Variants in ZFHX3 observed in about 807,000 individuals in gnomAD.
ZFHX3 encodes the protein zinc finger homeobox protein 3.
In ZFHX3, 42 loss-of-function variants were observed where a neutral mutation model predicts 279.1. The observed-to-expected ratio is 0.15, with a 90% CI of 0.12 to 0.19. ZFHX3 has a LOEUF of 0.19. Ranked by LOEUF, ZFHX3 falls within the 10% of genes least tolerant of loss-of-function variation. ZFHX3 has a pLI of 1.00. For synonymous variants in ZFHX3, 2,293 were observed against 1,957.8 expected, an observed-to-expected ratio of 1.17 and a Z score of -4.52; for missense variants, 4,981 against 4,754.0, an observed-to-expected ratio of 1.05 and a Z score of -1.40.
chr16:73,508,427 A>G (rs2075895722), intron 2 of ZFHX3, among the ~76,000 whole-genome samples: 1 of 152,228 alleles, frequency 6.6e-6, no homozygotes, highest in Non-Finnish European at 1.5e-5. Context: ...TCCAGAAAAA[A>G]GATCTGGGTA....
chr16:72,922,912 A>G lies in ZFHX3; in HGVS notation c.3216+27557T>C, dbSNP rs148996543. ...CCAGCCTGCTTCCTGCTCTGTCCAT[A>G]CCAGGCTCCTCAGATTAGAGCACTA... On this transcript the variant is annotated intron_variant, in intron 3 of 9. Coordinates refer to ENST00000268489, the MANE Select transcript of ZFHX3 (RefSeq NM_006885.4). Among the ~76,000 whole-genome samples the G allele has an allele frequency of 5.5e-4, 84 of 152,176 alleles. 1 individual carries two copies. Among genetic ancestry groups the G allele is most frequent in the African/African-American group, 2.0e-3 (81 of 41,524 alleles).
intron 2 of ZFHX3, among the ~76,000 whole-genome samples, chr16:72,951,194 G>T (rs12373027): frequency 0.024 from 3,664 of 152,186 alleles, 90 homozygotes; most frequent in South Asian, 0.063. Context: ...GGCAGGTTTT[G>T]TATTTTCTTT....
At chr16:73,682,938 G>GAA (rs759801620) in intron 1 of ZFHX3, among the ~76,000 whole-genome samples, 498 of 20,092 alleles carry the variant, frequency 0.025, 23 homozygotes, top group African/African-American at 0.071. Flanking sequence ...AAGAAAGAAA[G>GAA]AAAGAAAGAA....
At chr16:73,710,667 C>T (rs112279253) in intron 1 of ZFHX3, among the ~76,000 whole-genome samples, 1,667 of 152,290 alleles carry the variant, frequency 0.011, 31 homozygotes, top group African/African-American at 0.038. Context: ...CAGCAGGATC[C>T]GCCAGCACCT....
chr16:73,079,777 C>T (rs1007641556), intron 8 of ZFHX3, among the ~76,000 whole-genome samples: 1 of 152,186 alleles, frequency 6.6e-6, no homozygotes, highest in African/African-American at 2.4e-5. Context: ...ACCCAATTTC[C>T]TGAAGAATCA....
At chr16:73,086,796 G>A (rs964750134) in intron 8 of ZFHX3, among the ~76,000 whole-genome samples, 6 of 152,054 alleles carry the variant, frequency 3.9e-5, no homozygotes, top group Admixed American at 6.6e-5. Context: ...TCAGCTACTC[G>A]GGAGGCTGAG....
upstream of ZFHX3, among the ~76,000 whole-genome samples, chr16:73,051,034 C>G (rs1478978470): frequency 6.6e-6 from 1 of 152,180 alleles, no homozygotes; most frequent in Non-Finnish European, 1.5e-5. Context: ...CTTACTAATG[C>G]TGTATCCTTC....
intron 5 of ZFHX3, among the ~76,000 whole-genome samples, chr16:73,200,031 G>A (rs376636845): frequency 1.3e-5 from 2 of 152,150 alleles, no homozygotes; most frequent in African/African-American, 2.4e-5. Flanking sequence ...TGTAATCAAG[G>A]TTCCACATGG....
intron 3 of ZFHX3, among the ~76,000 whole-genome samples, chr16:73,415,946 C>T (rs935134835): frequency 7.9e-5 from 12 of 151,818 alleles, no homozygotes; most frequent in Non-Finnish European, 1.3e-4. Flanking sequence ...ATGGTGAAAC[C>T]CCATCTCTAC....
chr16:72,853,272 A>C (rs1213459487), intron 4 of ZFHX3, among the ~76,000 whole-genome samples: 1 of 152,238 alleles, frequency 6.6e-6, no homozygotes, highest in Non-Finnish European at 1.5e-5. Flanking sequence ...ATTATGATCA[A>C]GGTTCTTCTA....
At chr16:73,511,770 G>A (rs1261846325) in intron 2 of ZFHX3, among the ~76,000 whole-genome samples, 1 of 152,064 alleles carries the variant, frequency 6.6e-6, no homozygotes, top group East Asian at 1.9e-4. Flanking sequence ...GTCTTAGCAG[G>A]GCTCCTATGC....
Position 72,958,946 on chromosome 16 carries a change from C to T in ZFHX3, c.1200G>A (p.Leu400=). ...AGCTGGTGAGCCCGCCAAGGTTCAA[C>T]AGGGTGCTGGGGGTCAAGAGACCAG... ...PQAGLLTPST[L]LNLGGLTSSV... is the part of the protein sequence containing the mutation. The change falls in exon 2 of 10, where the codon CTG becomes CTA. Residue 400 remains leucine (L), a synonymous_variant. Transcript: ENST00000268489. 6.3e-7 allele frequency: 1 copy of T among 1,598,964 alleles called. No individual in the cohort carries two copies. The highest frequency in any genetic ancestry group is 8.5e-7 in the Non-Finnish European group (1 of 1,172,528).
intron 7 of ZFHX3, among the ~76,000 whole-genome samples, chr16:72,802,382 C>T (rs1879900195): frequency 6.6e-6 from 1 of 152,176 alleles, no homozygotes; most frequent in Non-Finnish European, 1.5e-5. Context: ...GGTTCTTTGT[C>T]TGCCTTCACC....
chr16:73,877,692 C>A (rs1463459815), intron 1 of ZFHX3, among the ~76,000 whole-genome samples: 1 of 152,032 alleles, frequency 6.6e-6, no homozygotes, highest in Non-Finnish European at 1.5e-5. Flanking sequence ...AAATGACTAT[C>A]AGGGAAATAT....
chr16:73,158,497 C>A (rs78606123), intron 5 of ZFHX3, among the ~76,000 whole-genome samples: 160 of 151,376 alleles, frequency 1.1e-3, no homozygotes, highest in Middle Eastern at 3.4e-3. Context: ...TTTTTTTTAT[C>A]AGTTATATAC....
intron 4 of ZFHX3, among the ~76,000 whole-genome samples, chr16:73,272,067 G>C (rs1567436367): frequency 6.6e-6 from 1 of 152,156 alleles, no homozygotes; most frequent in Non-Finnish European, 1.5e-5. Context: ...CAGCCTATGG[G>C]ATAACATTCA....
intron 3 of ZFHX3, among the ~76,000 whole-genome samples, chr16:73,404,588 CATT>C (rs1209088462): frequency 1.3e-5 from 2 of 152,182 alleles, no homozygotes; most frequent in African/African-American, 4.8e-5. Flanking sequence ...TTGTTGGTAT[CATT>C]ATTGTTAATA....
intron 1 of ZFHX3, among the ~76,000 whole-genome samples, chr16:73,879,715 A>G (rs1162739834): frequency 2.0e-5 from 3 of 152,172 alleles, no homozygotes; most frequent in Non-Finnish European, 4.4e-5. Context: ...AAGTGTAAGT[A>G]AACAGCGGGG....
intron 7 of ZFHX3, chr16:72,809,845 T>A (rs577203777): frequency 1.3e-5 from 2 of 151,938 alleles, no homozygotes; most frequent in African/African-American, 4.8e-5. Flanking sequence ...AGAATAATTC[T>A]CTTTGGTGGT....
Sources: gnomAD v4.1 joint callset for allele counts (sites outside exome capture counted in the v4.1 genomes callset) on GRCh38, gnomAD v4.1.1 for gene constraint, MANE v1.5 for transcripts, NCBI Gene and HGNC (gene_info 2026-07-23, HGNC 2026-07-21) for gene names.